The following CLTCL1 variants were observed in gnomAD, a reference collection of about 807,000 sequenced individuals.
CLTCL1 encodes the protein clathrin heavy chain 2.
A neutral mutation model predicts 190.0 loss-of-function variants in CLTCL1; 159 were observed. The observed-to-expected ratio is 0.84, with a 90% CI of 0.74 to 0.95. CLTCL1 has a LOEUF of 0.95. Among genes scored for constraint, CLTCL1 ranks in the 40% least tolerant of loss-of-function variants. CLTCL1 has a pLI of 0.00. For synonymous variants in CLTCL1, 752 were observed against 769.6 expected (o/e 0.98, Z 0.38); for missense variants, 1,878 against 2,033.4 (o/e 0.92, Z 1.47).
chr22:19,231,835 A>C (rs1726753380), intron 10 of CLTCL1, among the ~76,000 whole-genome samples: 1 of 152,192 alleles, frequency 6.6e-6, no homozygotes, highest in African/African-American at 2.4e-5. Context: ...AATTTGTCTC[A>C]AATCTCTTAT....
chr22:19,237,341 A>C (rs1486123752), intron 5 of CLTCL1, among the ~76,000 whole-genome samples: 5 of 152,158 alleles, frequency 3.3e-5, no homozygotes, highest in African/African-American at 1.2e-4. Flanking sequence ...ATAGAAAAAA[A>C]ATGCAAAGAT....
chr22:19,288,775 C>A (rs782331699), intron 1 of CLTCL1, among the ~76,000 whole-genome samples: 1 of 152,230 alleles, frequency 6.6e-6, no homozygotes, highest in African/African-American at 2.4e-5. Context: ...AATGAAAAAG[C>A]AGAGGGGCTC....
At chr22:19,289,141 G>A (rs1433611345) in intron 1 of CLTCL1, among the ~76,000 whole-genome samples, 4 of 152,092 alleles carry the variant, frequency 2.6e-5, no homozygotes, top group African/African-American at 9.7e-5. Flanking sequence ...GTACCAACAC[G>A]CCCGGCTAAT....
chr22:19,245,573 A>T (rs2086394682), intron 3 of CLTCL1, among the ~76,000 whole-genome samples: 1 of 152,126 alleles, frequency 6.6e-6, no homozygotes, highest in Non-Finnish European at 1.5e-5. Context: ...GGCATTTAGG[A>T]CACTCGCAAT....
Position 19,221,459 on chromosome 22 carries a change from ACC to A in CLTCL1, c.2712_2713del (p.Val905GlyfsTer5), listed in dbSNP as rs2085565778. On this transcript the variant is annotated frameshift_variant, in exon 17 of 33. Coordinates refer to ENST00000427926, the MANE Select transcript of CLTCL1 (RefSeq NM_007098.4). LOFTEE classifies it high-confidence loss of function. ...GTCTCGCTTCTCACAGTAGCGGCCC[ACC>A]ACGCTGCTGTCATAGTAGGCATTCT... 1.9e-6 allele frequency: 3 copies of A among 1,582,698 alleles called. No individual in the cohort carries two copies. The African/African-American group carries it at 4.0e-5, about 21-fold the overall frequency.
chr22:19,191,899 G>A (rs1196636957), intron 26 of CLTCL1, among the ~76,000 whole-genome samples: 4 of 152,162 alleles, frequency 2.6e-5, no homozygotes, highest in Non-Finnish European at 4.4e-5. Flanking sequence ...ACACTGTGGT[G>A]CTCAGACCCT....
At chr22:19,208,675 T>C (rs560500928) in intron 21 of CLTCL1, among the ~76,000 whole-genome samples, 50 of 151,888 alleles carry the variant, frequency 3.3e-4, no homozygotes, top group African/African-American at 1.0e-3. Context: ...AGTGGCGATA[T>C]TGAGATATCT....
At chr22:19,260,078 A>C (rs2086892271) in intron 2 of CLTCL1, among the ~76,000 whole-genome samples, 1 of 152,236 alleles carries the variant, frequency 6.6e-6, no homozygotes, top group African/African-American at 2.4e-5. Context: ...CCAAAGCCTA[A>C]TCCACAGCAA....
Position 19,235,883 on chromosome 22 carries a change from G to A in CLTCL1, c.796-14C>T. The A allele has an allele frequency of 1.2e-6, 2 of 1,606,882 alleles. No homozygotes were observed. Among genetic ancestry groups the A allele is most frequent in the Middle Eastern group, 3.3e-4 (2 of 6,032 alleles). Reference sequence around the variant, plus strand: ...TTTAGCTCCAATCTATAAGAAGACAGAGAGCAAGAGGTTGGAAAGTAAGGA... The same window carrying A: ...TTTAGCTCCAATCTATAAGAAGACAAAGAGCAAGAGGTTGGAAAGTAAGGA... On this transcript the variant is annotated splice_polypyrimidine_tract_variant and intron_variant, in intron 5 of 32. Transcript: ENST00000427926.
In CLTCL1 at chr22:19,253,992, C is replaced by G; in HGVS notation, c.486G>C (p.Gln162His). ...QVIHYRTDEY[Q>H]KWLLLVGISA... The stretch of plus-strand genomic sequence containing the variant: ...AGATGCCTACGAGCAGCAGCCACTT[C>G]TGGTACTCATCAGTCCGGTAGTGAA... The change falls in exon 3 of 33, where the codon CAG becomes CAC. Residue 162 changes from glutamine to histidine, a missense_variant. Coordinates refer to ENST00000427926, the MANE Select transcript of CLTCL1 (RefSeq NM_007098.4). 6.2e-7 allele frequency: 1 copy of G among 1,613,380 alleles called. No homozygotes were observed. Among genetic ancestry groups the G allele is most frequent in the Middle Eastern group, 1.7e-4 (1 of 6,060 alleles).
intron 5 of CLTCL1, 112 bp from the exon 6 acceptor site, chr22:19,235,981 A>G (rs1164674955): frequency 2.9e-6 from 3 of 1,017,324 alleles, no homozygotes; most frequent in Non-Finnish European, 4.2e-6. Flanking sequence ...GTTTTTTGAG[A>G]TAGGGTCGTG....
chr22:19,218,412 T>C (rs1179578488), intron 18 of CLTCL1, among the ~76,000 whole-genome samples: 2 of 152,202 alleles, frequency 1.3e-5, no homozygotes, highest in Non-Finnish European at 2.9e-5. Flanking sequence ...TGACCTTCCA[T>C]AAATCTCAAA....
intron 2 of CLTCL1, among the ~76,000 whole-genome samples, chr22:19,255,360 T>G (rs1380420809): frequency 6.6e-6 from 1 of 151,298 alleles, no homozygotes; most frequent in East Asian, 2.0e-4. Context: ...GTCAGGAGTT[T>G]GAGACCAGTC....
intron 15 of CLTCL1, 119 bp from the exon 16 acceptor site, chr22:19,222,212 G>A (rs1381275618): frequency 1.0e-6 from 1 of 977,116 alleles, no homozygotes; most frequent in Admixed American, 2.2e-5. Flanking sequence ...GCACTGCGCT[G>A]TGTCCCACCA....
intron 29 of CLTCL1, 99 bp downstream of exon 29, chr22:19,187,459 C>T (rs1165484558): frequency 7.9e-6 from 10 of 1,258,228 alleles, no homozygotes; most frequent in South Asian, 5.5e-5. Flanking sequence ...AAGCTCAGAG[C>T]CAGGTCTCAG....
chr22:19,209,326 G>C (rs149960273), intron 20 of CLTCL1: 16 of 480,682 alleles, frequency 3.3e-5, no homozygotes, highest in East Asian at 3.0e-4. Context: ...ACAAAGAAGA[G>C]ACACTCCAAT....
chr22:19,214,388 C>G lies in CLTCL1; in HGVS notation c.3065+1723G>C, dbSNP rs1306739437. On this transcript the variant is annotated intron_variant, in intron 19 of 32. Transcript: ENST00000427926. ...AATTCACAAGCTGCCCTTCCTCTCA[C>G]CGGAGGGTGTGCTCAAGCTCTCTGC... 2.0e-5 allele frequency among the ~76,000 whole-genome samples: 3 copies of G among 152,132 alleles called. No individual in the cohort carries two copies. The East Asian group carries it at 5.8e-4, about 29-fold the overall frequency.
At chr22:19,245,147 G>C (rs1419666024) in intron 3 of CLTCL1, among the ~76,000 whole-genome samples, 1 of 151,534 alleles carries the variant, frequency 6.6e-6, no homozygotes. Flanking sequence ...GCTTAGACAG[G>C]GTTGGCAAAC....
chr22:19,257,775 C>A (rs1283225403), intron 2 of CLTCL1: 1 of 1,413,278 alleles, frequency 7.1e-7, no homozygotes. Flanking sequence ...GGAGACCATG[C>A]AAAGCCTGAA....
Sources: allele counts gnomAD v4.1 joint callset (sites outside exome capture counted in the v4.1 genomes callset), GRCh38; gene constraint gnomAD v4.1.1; transcripts MANE v1.5; gene names NCBI Gene and HGNC (gene_info 2026-07-23, HGNC 2026-07-21).